The following PER2 variants were observed in gnomAD, a reference collection of about 807,000 sequenced individuals.
PER2 encodes period circadian protein homolog 2.
A neutral mutation model predicts 121.0 loss-of-function variants in PER2; 66 were observed. The observed-to-expected ratio is 0.55, with a 90% CI of 0.45 to 0.67. PER2 has a LOEUF of 0.67. PER2 is among the 30% of genes least tolerant of loss of function. The probability of loss-of-function intolerance (pLI) is 0.00; values close to 1 mark genes in which losing one functional copy is unlikely to be tolerated. For synonymous variants in PER2, 684 were observed against 659.9 expected (o/e 1.04, Z -0.56); for missense variants, 1,521 against 1,635.0 (o/e 0.93, Z 1.20).
In PER2 at chr2:238,258,527, T is replaced by A; in HGVS notation, c.1745A>T (p.Gln582Leu). The change falls in exon 15 of 23, where the codon CAG becomes CTG. Residue 582 changes from glutamine to leucine, a missense_variant. By Grantham distance (113) the Gln-to-Leu change is moderately radical. Transcript: ENST00000254657. ...GACGCTGTCCAAGCAGCTGATCTGC[T>A]GGTAGGAGCAGGTGGGCTGGTTCTT... ...ACKNQPTCSYQQISCLDSVIR... is the reference protein window; with the variant it reads ...ACKNQPTCSYLQISCLDSVIR... 6.2e-7 allele frequency: 1 copy of A among 1,614,196 alleles called. No homozygotes were observed. Among genetic ancestry groups the A allele is most frequent in the Non-Finnish European group, 8.5e-7 (1 of 1,180,036 alleles).
chr2:238,256,667 C>CCCT (rs1301731906), intron 17 of PER2, among the ~76,000 whole-genome samples: 1 of 152,220 alleles, frequency 6.6e-6, no homozygotes, highest in African/African-American at 2.4e-5. Flanking sequence ...CCACAATCAA[C>CCCT]CCTCCTGCGT....
chr2:238,296,099 G>C, the PER2 span, among the ~76,000 whole-genome samples: 60 of 13,248 alleles, frequency 4.5e-3, no homozygotes, highest in Middle Eastern at 0.031. Context: ...TGCAGAGTCA[G>C]TCGTGTGCCC....
At chr2:238,271,275 C>A in intron 6 of PER2, 37 bp downstream of exon 6, 1 of 1,582,954 alleles carries the variant, frequency 6.3e-7, no homozygotes, top group Non-Finnish European at 8.7e-7. Context: ...CCTTTCCCGA[C>A]CCCAGAGGGA....
chr2:238,275,685 T>TG (rs533355064), intron 4 of PER2, 58 bp downstream of exon 4: 1 of 1,546,004 alleles, frequency 6.5e-7, no homozygotes, highest in Non-Finnish European at 8.9e-7. Flanking sequence ...AGCTATAATT[T>TG]GGGGGGATTT....
At chr2:238,248,960 T>A in intron 22 of PER2, 102 bp downstream of exon 22, 1 of 1,333,460 alleles carries the variant, frequency 7.5e-7, no homozygotes. Flanking sequence ...CGGCCTAATT[T>A]TAGAAGTTTT....
Position 238,263,022 on chromosome 2 carries a change from C to G in PER2, c.1083G>C (p.Leu361=). 1 of 1,614,016 alleles carries G rather than the reference C, an allele frequency of 6.2e-7. No individual in the cohort carries two copies. Among genetic ancestry groups the G allele is most frequent in the South Asian group, 1.1e-5 (1 of 91,070 alleles). The change falls in exon 10 of 23, where the codon CTG becomes CTC. Residue 361 remains leucine (L), a synonymous_variant. Transcript: ENST00000254657. ...VPLLGYLPQD[L]IETPVLVQLH... ...GCTGCACGAGCACTGGGGTTTCAAT[C>G]AGGTCCTGAGGTAGGTAGCCCAGGA...
At chr2:238,270,243 T>C (rs1696242384) in intron 6 of PER2, among the ~76,000 whole-genome samples, 1 of 152,230 alleles carries the variant, frequency 6.6e-6, no homozygotes. Flanking sequence ...AGAAACAACT[T>C]GGCATTCAAG....
chr2:238,273,556 C>T (rs1696359733), intron 4 of PER2, among the ~76,000 whole-genome samples: 1 of 150,574 alleles, frequency 6.6e-6, no homozygotes, highest in East Asian at 1.9e-4. Context: ...AGTGCAATGG[C>T]GCAATCTCGG....
rs7603349 is a variant in PER2, at chr2:238,260,824, G to C, written c.1542+4C>G. On this transcript the variant is annotated splice_donor_region_variant and intron_variant, in intron 13 of 22. Coordinates refer to ENST00000254657, the MANE Select transcript of PER2 (RefSeq NM_022817.3). ...TTTCTCAGGGAGAATGGAAGGAGAC[G>C]TACGGCTCTCCTCCGGCGTGAGTCC... 7 of 1,613,922 alleles carry C rather than the reference G, an allele frequency of 4.3e-6. No individual in the cohort carries two copies. The Admixed American group carries it at 1.0e-4, about 23-fold the overall frequency.
Position 238,245,343 on chromosome 2 carries a change from G to A in PER2, c.*1032C>T. 1 of 378,968 alleles carries A rather than the reference G, an allele frequency of 2.6e-6. No individual in the cohort carries two copies. The allele number at this position is 378,968 out of a possible 1,614,324, so 23.5% of individuals were successfully genotyped here. On this transcript the variant is annotated 3_prime_UTR_variant, in exon 23 of 23. Transcript: ENST00000254657. ...GGCTCATGAAAAGAATGAGGGCTGT[G>A]CACCCAACCCAGGGTGCAGTGGGAG...
intron 4 of PER2, among the ~76,000 whole-genome samples, chr2:238,274,159 C>T (rs1221346364): frequency 6.6e-6 from 1 of 152,228 alleles, no homozygotes; most frequent in African/African-American, 2.4e-5. Flanking sequence ...AGGAGGGCCA[C>T]TCCATCTGAG....
chr2:238,283,177 C>T (rs1227818199), intron 1 of PER2, among the ~76,000 whole-genome samples: 1 of 152,262 alleles, frequency 6.6e-6, no homozygotes, highest in Admixed American at 6.5e-5. Context: ...TGCCCCCTCC[C>T]TCTCTCCCTC....
chr2:238,280,191 G>A (rs1696587828), intron 1 of PER2, among the ~76,000 whole-genome samples: 1 of 152,152 alleles, frequency 6.6e-6, no homozygotes, highest in Admixed American at 6.5e-5. Context: ...CCAACAGCTG[G>A]CCCCAGGAAC....
At position 238,268,825 on chromosome 2, in the gene PER2, G is replaced by A. The variant is rs1029480942; in HGVS notation, c.824+98C>T. 4 of 870,348 alleles carry A rather than the reference G, an allele frequency of 4.6e-6. No individual in the cohort carries two copies. In the African/African-American group the frequency reaches 6.6e-5, roughly 14 times the overall value. 53.9% of individuals were successfully genotyped at this position (870,348 alleles called of 1,614,324 possible). Reference sequence around the variant, plus strand: ...TCAGAAACAGGCGTGCTGAGTCCCTGCAGGCAGGGATCACGCCCCCCAGCC... The same window carrying A: ...TCAGAAACAGGCGTGCTGAGTCCCTACAGGCAGGGATCACGCCCCCCAGCC... On this transcript the variant is annotated intron_variant, in intron 7 of 22. Coordinates refer to ENST00000254657, the MANE Select transcript of PER2 (RefSeq NM_022817.3). The surrounding 1 kb of genome is among the most constrained non-coding windows in gnomAD (Gnocchi z 4.0).
Position 238,263,021 on chromosome 2 carries a change from T to A in PER2, c.1084A>T (p.Ile362Phe). ...AGCTGCACGAGCACTGGGGTTTCAA[T>A]CAGGTCCTGAGGTAGGTAGCCCAGG... ...PLLGYLPQDL[I>F]ETPVLVQLHP... is the part of the protein sequence containing the mutation. The change falls in exon 10 of 23, where the codon ATT becomes TTT. Residue 362 changes from isoleucine (I) to phenylalanine (F), a missense_variant. Coordinates refer to ENST00000254657, the MANE Select transcript of PER2 (RefSeq NM_022817.3). 6.2e-7 allele frequency: 1 copy of A among 1,613,984 alleles called. No individual in the cohort carries two copies. Among genetic ancestry groups the A allele is most frequent in the Non-Finnish European group, 8.5e-7 (1 of 1,179,906 alleles).
At chr2:238,299,548 AAAG>A in the PER2 span, 1 of 152,396 alleles carries the variant, frequency 6.6e-6, no homozygotes, top group Non-Finnish European at 1.5e-5. Flanking sequence ...TCTCAAAAAA[AAAG>A]AAAAAAAAGA....
chr2:238,268,154 C>G lies in PER2; in HGVS notation c.869G>C (p.Arg290Pro). ...HENEIRYHPF[R>P]MTPYLVKVRD... ...CACCTTGACCAGGTAGGGCGTCATG[C>G]GGAAGGGGTGGTAGCGGATTTCATT... Residue 290 changes from arginine to proline, a missense_variant, in exon 8 of 23, where the codon CGC (arginine) becomes CCC (proline). By Grantham distance (103) the Arg-to-Pro change is moderately radical. Transcript: ENST00000254657. This position sits in a 1 kb window ranked among gnomAD's most constrained non-coding sequence, Gnocchi z 4.0. 1 of 1,614,064 alleles carries G rather than the reference C, an allele frequency of 6.2e-7. No individual in the cohort carries two copies. The highest frequency in any genetic ancestry group is 8.5e-7 in the Non-Finnish European group (1 of 1,179,980).
In PER2 at chr2:238,257,161, A is replaced by G. The variant is rs193053449; in HGVS notation, c.1901-75T>C. 8.9e-5 allele frequency: 126 copies of G among 1,408,184 alleles called. 1 individual carries two copies. The African/African-American group carries it at 1.5e-3, about 17-fold the overall frequency. The allele number at this position is 1,408,184 out of a possible 1,614,324, so 87.2% of individuals were successfully genotyped here. A position where few individuals can be genotyped will look rare whatever the true frequency, so the allele number is the denominator to read the frequency against. ...TGTGCAGATGAGAAACCGACACCCA[A>G]GTGCCCATACAGCTTCCACACCAGG... On this transcript the variant is annotated intron_variant, in intron 16 of 22. Coordinates refer to ENST00000254657, the MANE Select transcript of PER2 (RefSeq NM_022817.3).
chr2:238,265,134 C>T (rs531845561), intron 9 of PER2, among the ~76,000 whole-genome samples: 77 of 152,312 alleles, frequency 5.1e-4, no homozygotes, highest in African/African-American at 1.6e-3. Context: ...AAATCCTGTC[C>T]CCTGGAGAAG....
Sources: gnomAD v4.1 joint callset for allele counts (sites outside exome capture counted in the v4.1 genomes callset) on GRCh38, gnomAD v4.1.1 for gene constraint, Gnocchi (gnomAD v3.1) non-coding constraint, MANE v1.5 for transcripts, NCBI Gene and HGNC (gene_info 2026-07-23, HGNC 2026-07-21) for gene names.